The following CSF1 variants were observed in gnomAD, a reference collection of about 807,000 sequenced individuals.
CSF1 encodes colony stimulating factor 1.
A neutral mutation model predicts 48.9 loss-of-function variants in CSF1; 9 were observed. That is an observed-to-expected ratio of 0.18 (90% CI 0.11 to 0.32). The LOEUF (loss-of-function observed/expected upper bound fraction) is 0.32, where lower values mean the gene tolerates loss of function less well. Ranked by LOEUF, CSF1 falls within the 10% of genes least tolerant of loss-of-function variation. The pLI is 1.00. For missense variants in CSF1, 672 were observed against 697.9 expected, an observed-to-expected ratio of 0.96 and a Z score of 0.42; for synonymous variants, 305 against 284.1, an observed-to-expected ratio of 1.07 and a Z score of -0.74.
In CSF1 at chr1:109,917,567, G is replaced by A. The variant is rs905223707; in HGVS notation, c.396+104G>A. 27 of 1,118,776 alleles carry A rather than the reference G, an allele frequency of 2.4e-5. 1 individual carries two copies. In the South Asian group the frequency reaches 2.8e-4, roughly 12 times the overall value. The allele number at this position is 1,118,776 out of a possible 1,614,324, so 69.3% of individuals were successfully genotyped here. On this transcript the variant is annotated intron_variant, in intron 4 of 8. Coordinates refer to ENST00000329608, the MANE Select transcript of CSF1 (RefSeq NM_000757.6). ...AGTACATTCGCTCACCTCGCCTCAC[G>A]CCATTGCTTGCTCACTCTCATTTAT...
At chr1:109,922,073 G>C (rs1647573684) in intron 5 of CSF1, 79 bp downstream of exon 5, 1 of 1,499,214 alleles carries the variant, frequency 6.7e-7, no homozygotes, top group East Asian at 2.3e-5. Context: ...TGTGAAGCTG[G>C]GGGGACCCCT....
At position 109,914,307 on chromosome 1, in the gene CSF1, A is replaced by G; in HGVS notation, c.88A>G (p.Ser30Gly). 6.2e-7 allele frequency: 1 copy of G among 1,607,840 alleles called. No homozygotes were observed. Among genetic ancestry groups the G allele is most frequent in the Non-Finnish European group, 8.5e-7 (1 of 1,177,048 alleles). Residue 30 changes from serine to glycine, a missense_variant, in exon 2 of 9, where the codon AGT becomes GGT. Physicochemically the swap from Ser to Gly is moderately conservative, Grantham distance 56. Around this residue, in one of 3 missense-constraint regions of CSF1, gnomAD observed 53 missense variants for 45.5 expected, o/e 1.17. Coordinates refer to ENST00000329608, the MANE Select transcript of CSF1 (RefSeq NM_000757.6). ...LLLVCLLASRSITEEVSEYCS... is the reference protein window; with the variant it reads ...LLLVCLLASRGITEEVSEYCS... Reference sequence around the variant, plus strand: ...GTTGGTCTGTCTCCTGGCGAGCAGGAGTATCACCGAGGAGGTGTCGGAGTA... The same window carrying G: ...GTTGGTCTGTCTCCTGGCGAGCAGGGGTATCACCGAGGAGGTGTCGGAGTA...
At chr1:109,915,963 A>G (rs988959182) in intron 3 of CSF1, among the ~76,000 whole-genome samples, 1 of 152,014 alleles carries the variant, frequency 6.6e-6, no homozygotes, top group African/African-American at 2.4e-5. Context: ...TGTGGTACAC[A>G]AATACAGTTT....
chr1:109,917,615 CAGGCAGG>C (rs1382005138), intron 4 of CSF1, 152 bp downstream of exon 4: 1 of 802,410 alleles, frequency 1.2e-6, no homozygotes, highest in African/African-American at 1.7e-5. Context: ...CAACCTTTAC[CAGGCAGG>C]AGGCAGGAGG....
chr1:109,925,070 TA>T, intron 7 of CSF1, 76 bp from the exon 8 acceptor site: 1 of 1,338,842 alleles, frequency 7.5e-7, no homozygotes. Flanking sequence ...GTCTGGGGCT[TA>T]GGGGTAAACT....
chr1:109,927,519 G>A (rs79612521), intron 8 of CSF1, among the ~76,000 whole-genome samples: 1 of 152,140 alleles, frequency 6.6e-6, no homozygotes, highest in Non-Finnish European at 1.5e-5. Context: ...ACCCCTCGCC[G>A]TGGTCTTGGC....
At chr1:109,921,066 G>A (rs889333560) in intron 4 of CSF1, among the ~76,000 whole-genome samples, 9 of 151,826 alleles carry the variant, frequency 5.9e-5, no homozygotes, top group South Asian at 2.1e-4. Context: ...TATGCCTGGC[G>A]GCTGCCCCGT....
At position 109,925,193 on chromosome 1, in the gene CSF1, G is replaced by C; in HGVS notation, c.*4G>C. 1 of 1,613,740 alleles carries C rather than the reference G, an allele frequency of 6.2e-7. No individual in the cohort carries two copies. The highest frequency in any genetic ancestry group is 1.1e-5 in the South Asian group (1 of 91,056). On this transcript the variant is annotated 3_prime_UTR_variant, in exon 8 of 9. Transcript: ENST00000329608. ...ACAGGTGGAACTGCCAGTGTAGAGG[G>C]AATTCTAAGGTAAGATTCTGACTTT...
chr1:109,921,978 T>A lies in CSF1; in HGVS notation c.528T>A (p.Ala176=). ...GCAAGAACTGCAACAACAGCTTTGCTGAATGCTCCAGCCAAGGTAAGCATG... is the reference window on the plus strand; with the variant it reads ...GCAAGAACTGCAACAACAGCTTTGCAGAATGCTCCAGCCAAGGTAAGCATG... ...IFSKNCNNSF[A]ECSSQDVVTK... Residue 176 remains alanine, a synonymous_variant, in exon 5 of 9, where the codon GCT becomes GCA. Transcript: ENST00000329608. 1 of 1,604,124 alleles carries A rather than the reference T, an allele frequency of 6.2e-7. No individual in the cohort carries two copies. The highest frequency in any genetic ancestry group is 1.1e-5 in the South Asian group (1 of 89,468).
rs767804510 is a variant in CSF1 at position 109,923,254 on chromosome 1, C to T, written c.633C>T (p.Leu211=). 1.2e-5 allele frequency: 19 copies of T among 1,605,650 alleles called. No individual in the cohort carries two copies. The highest frequency in any genetic ancestry group is 7.8e-5 in the South Asian group (7 of 89,630). Residue 211 remains leucine, a synonymous_variant, in exon 6 of 9, where the codon CTC becomes CTT. Coordinates refer to ENST00000329608, the MANE Select transcript of CSF1 (RefSeq NM_000757.6). ...CCTCTGTCTCCCCTCATCAGCCCCT[C>T]GCCCCCTCCATGGCCCCTGTGGCTG... ...DPASVSPHQP[L]APSMAPVAGL...
chr1:109,925,605 T>A (rs1172422770), intron 8 of CSF1, among the ~76,000 whole-genome samples: 2 of 152,138 alleles, frequency 1.3e-5, no homozygotes, highest in Admixed American at 6.5e-5. Context: ...CCAAGCCCCT[T>A]CGACAGCAGC....
intron 8 of CSF1, among the ~76,000 whole-genome samples, chr1:109,927,185 C>T (rs1647879425): frequency 6.6e-6 from 1 of 152,256 alleles, no homozygotes; most frequent in African/African-American, 2.4e-5. Flanking sequence ...TGGGGTGACC[C>T]AGTCAAGTTT....
rs372834853 is a variant in CSF1, at chr1:109,921,829, G to A, written c.397-18G>A. 16 of 1,547,084 alleles carry A rather than the reference G, an allele frequency of 1.0e-5. No individual in the cohort carries two copies. The highest frequency in any genetic ancestry group is 1.4e-5 in the Non-Finnish European group (16 of 1,139,728). ...CCAATGGTCATGCTCACAAAAGGGG[G>A]CCCTGATCTCCTTCCAGGCCTGCGT... On this transcript the variant is annotated intron_variant, in intron 4 of 8. Coordinates refer to ENST00000329608, the MANE Select transcript of CSF1 (RefSeq NM_000757.6).
chr1:109,912,931 C>T (rs181836805), intron 1 of CSF1, among the ~76,000 whole-genome samples: 93 of 152,194 alleles, frequency 6.1e-4, no homozygotes, highest in Non-Finnish European at 1.0e-3. Context: ...AGTCCCTGTG[C>T]TGAGTGGTAT....
Position 109,923,250 on chromosome 1 carries a change from C to A in CSF1, c.629C>A (p.Pro210His). ...CCGGCCTCTGTCTCCCCTCATCAGC[C>A]CCTCGCCCCCTCCATGGCCCCTGTG... The part of the protein sequence containing the change: ...SDPASVSPHQ[P>H]LAPSMAPVAG... Residue 210 changes from proline to histidine, a missense_variant, in exon 6 of 9, where the codon CCC (proline) becomes CAC (histidine). Physicochemically the swap from Pro to His is moderately conservative, Grantham distance 77. This residue lies in a region of CSF1 where 591 missense variants were observed against 593.6 expected (regional missense o/e 1.00). Transcript: ENST00000329608. The A allele has an allele frequency of 6.2e-7, 1 of 1,602,908 alleles. No homozygotes were observed. Among genetic ancestry groups the A allele is most frequent in the Non-Finnish European group, 8.5e-7 (1 of 1,174,432 alleles).
intron 6 of CSF1, 80 bp downstream of exon 6, chr1:109,924,270 A>G: frequency 7.6e-7 from 1 of 1,309,918 alleles, no homozygotes; most frequent in African/African-American, 1.5e-5. Context: ...GTGGGGGGAC[A>G]GCTTGGGTGC....
At chr1:109,926,251 C>G (rs1211082834) in intron 8 of CSF1, 1 of 152,188 alleles carries the variant, frequency 6.6e-6, no homozygotes, top group African/African-American at 2.4e-5. Context: ...TTTTTCTTAA[C>G]AACTGCATCA....
chr1:109,917,532 A>G (rs1465274334), intron 4 of CSF1, 69 bp downstream of exon 4: 2 of 1,482,690 alleles, frequency 1.3e-6, no homozygotes, highest in Non-Finnish European at 1.9e-6. Context: ...CGCTCTATCC[A>G]CAGGCACAGA....
chr1:109,912,477 C>A (rs1374528515), intron 1 of CSF1, among the ~76,000 whole-genome samples: 1 of 152,124 alleles, frequency 6.6e-6, no homozygotes, highest in African/African-American at 2.4e-5. Context: ...AGTGTTAACC[C>A]CCCACTGTCT....
Sources: gnomAD v4.1 joint callset for allele counts (sites outside exome capture counted in the v4.1 genomes callset) on GRCh38, gnomAD v4.1.1 for gene constraint, gnomAD v4.1.1 regional missense constraint, MANE v1.5 for transcripts, NCBI Gene and HGNC (gene_info 2026-07-23, HGNC 2026-07-21) for gene names.